MUC4: variants seen among roughly 807,000 people sequenced by gnomAD.
MUC4 encodes mucin 4, cell surface associated.
Under a neutral mutation model 257.9 loss-of-function variants are expected in MUC4, and 202 were observed. The ratio of observed to expected loss-of-function variants is 0.78; its 90% CI spans 0.70 to 0.88. The LOEUF is 0.88. Among genes scored for constraint, MUC4 ranks in the 40% least tolerant of loss-of-function variants. The pLI is 0.00. For missense variants in MUC4, 5,976 were observed against 6,513.7 expected (o/e 0.92, Z 2.84); for synonymous variants, 2,351 against 2,757.1 (o/e 0.85, Z 4.62).
Position 195,774,159 on chromosome 3 carries a change from A to C in MUC4, c.13077+13T>G. ...TGGGAGTTCAGGCTGCGCGGGCCGC[A>C]GCCCGGACTCACGTAGAGGGAATCA... is the stretch of plus-strand genomic sequence containing the variant. On this transcript the variant is annotated intron_variant, in intron 4 of 24. Coordinates refer to ENST00000463781, the MANE Select transcript of MUC4 (RefSeq NM_018406.7). The C allele has an allele frequency of 6.3e-7, 1 of 1,597,112 alleles. No homozygotes were observed. Among genetic ancestry groups the C allele is most frequent in the African/African-American group, 1.4e-5 (1 of 73,564 alleles).
In MUC4 at chr3:195,781,120, G is replaced by C. The variant is rs548219386; in HGVS notation, c.10460C>G (p.Thr3487Ser). Residue 3487 changes from threonine to serine, a missense_variant, in exon 2 of 25, where the codon ACC becomes AGC. Coordinates refer to ENST00000463781, the MANE Select transcript of MUC4 (RefSeq NM_018406.7). Reference protein sequence around the residue: ...SPSSASTGHTTPLHVTIPSSA... With the variant: ...SPSSASTGHTSPLHVTIPSSA... ...GGAAGGGATGGTGACATGAAGAGGG[G>C]TGGTGTGACCTGTAGATGCTGAGGA... The C allele has an allele frequency of 1.4e-5, 21 of 1,480,318 alleles. 1 individual carries two copies. Among genetic ancestry groups the C allele is most frequent in the African/African-American group, 9.8e-5 (6 of 61,358 alleles). 91.7% of individuals were successfully genotyped at this position (1,480,318 alleles called of 1,614,324 possible).
rs1459840580 is a variant in MUC4 at position 195,755,778 on chromosome 3, C to A, written c.15168+1369G>T. ...CCATTGTGTATTTTATGCTTTTCTA[C>A]CCCCTACCCCACCAACCGTCCCTAC... On this transcript the variant is annotated intron_variant, in intron 18 of 24. Coordinates refer to ENST00000463781, the MANE Select transcript of MUC4 (RefSeq NM_018406.7). This position sits in a 1 kb window ranked among gnomAD's most constrained non-coding sequence, Gnocchi z 5.0. Among the ~76,000 whole-genome samples, 1 of 152,080 alleles carries A rather than the reference C, an allele frequency of 6.6e-6. No homozygotes were observed. Among genetic ancestry groups the A allele is most frequent in the Non-Finnish European group, 1.5e-5 (1 of 68,012 alleles).
chr3:195,807,028 T>C (rs1736069683), intron 1 of MUC4, among the ~76,000 whole-genome samples: 1 of 152,158 alleles, frequency 6.6e-6, no homozygotes, highest in African/African-American at 2.4e-5. Context: ...CCTAAACACA[T>C]ACACGGGGAG....
At position 195,790,821 on chromosome 3, in the gene MUC4, G is replaced by C. The variant is rs138465771; in HGVS notation, c.759C>G (p.Val253=). The change falls in exon 2 of 25, where the codon GTC becomes GTG. Residue 253 remains valine, a synonymous_variant. Transcript: ENST00000463781. ...GETATSSLCS[V]TNTSMMTSEK... is the part of the protein sequence containing the mutation. ...CTGATGTCATCATGGATGTGTTTGT[G>C]ACACTACAGAGGGATGAGGTAGCTG... is the stretch of plus-strand genomic sequence containing the variant. The C allele has an allele frequency of 1.9e-5, 31 of 1,613,926 alleles. No homozygotes were observed. The Middle Eastern group carries it at 6.6e-4, about 34-fold the overall frequency.
At chr3:195,767,630 TCACCACCACCATCGCCAC>T (rs1721294107) in intron 7 of MUC4, among the ~76,000 whole-genome samples, 1 of 26,668 alleles carries the variant, frequency 3.7e-5, no homozygotes, top group African/African-American at 1.4e-4. Context: ...ATCACCACCA[TCACCACCACCATCGCCAC>T]CACCACCACC....
chr3:195,790,367 C>G lies in MUC4; in HGVS notation c.1213G>C (p.Gly405Arg). 1 of 1,613,808 alleles carries G rather than the reference C, an allele frequency of 6.2e-7. No individual in the cohort carries two copies. Among genetic ancestry groups the G allele is most frequent in the Non-Finnish European group, 8.5e-7 (1 of 1,179,748 alleles). Residue 405 changes from glycine to arginine, a missense_variant, in exon 2 of 25, where the codon GGA (glycine) becomes CGA (arginine). Physicochemically the swap from Gly to Arg is moderately radical, Grantham distance 125. Coordinates refer to ENST00000463781, the MANE Select transcript of MUC4 (RefSeq NM_018406.7). ...RMPTSRDSTL[G>R]NTEETSLSVS... is the part of the protein sequence containing the mutation. ...GATAGTGATGTCTCCTCTGTGTTTC[C>G]AAGAGTAGAGTCTCTGGAGGTTGGC...
chr3:195,767,588 CCACCACCACCAT>C (rs1341441895), intron 7 of MUC4, among the ~76,000 whole-genome samples: 102 of 109,030 alleles, frequency 9.4e-4, no homozygotes, highest in African/African-American at 1.7e-3. Flanking sequence ...ACCACCATCA[CCACCACCACCAT>C]CATCACCATT....
rs1321116343 is a variant in MUC4, at chr3:195,778,794, T to C, written c.12786A>G (p.Thr4262=). ...GGCGAGGCAGTTGGCAGCTACCTGG[T>C]GTTTCCATCTTCAGAGGGGAGTCCG... is the stretch of plus-strand genomic sequence containing the variant. ...VSSDSPLKME[T]PGMTTPSLKT... Residue 4262 remains threonine, a synonymous_variant, in exon 2 of 25, where the codon ACA becomes ACG. Transcript: ENST00000463781. The C allele has an allele frequency of 6.2e-7, 1 of 1,609,568 alleles. No homozygotes were observed. The highest frequency in any genetic ancestry group is 8.5e-7 in the Non-Finnish European group (1 of 1,177,846).
At chr3:195,796,651 A>G (rs2149056168) in intron 1 of MUC4, among the ~76,000 whole-genome samples, 1 of 152,102 alleles carries the variant, frequency 6.6e-6, no homozygotes, top group East Asian at 2.0e-4. Context: ...AGATCATGCC[A>G]TTGCACTCCA....
In MUC4 at chr3:195,782,157, G is replaced by GTC; in HGVS notation, c.9422_9423insGA (p.Ser3141ArgfsTer1119). On this transcript the variant is annotated frameshift_variant, in exon 2 of 25. Transcript: ENST00000463781. LOFTEE classifies it high-confidence loss of function. Reference sequence around the variant, plus strand: ...TGTCACCTGTGGATGCTGAGGAAGTGCTGGTGACAGGAAGAGCGGTGGCCT... The same window carrying GTC: ...TGTCACCTGTGGATGCTGAGGAAGTGTCCTGGTGACAGGAAGAGCGGTGGCCT... 7.3e-7 allele frequency: 1 copy of GTC among 1,372,112 alleles called. No individual in the cohort carries two copies. The highest frequency in any genetic ancestry group is 2.6e-4 in the Middle Eastern group (1 of 3,840). 85.0% of individuals were successfully genotyped at this position (1,372,112 alleles called of 1,614,324 possible).
chr3:195,760,990 G>A lies in MUC4; in HGVS notation c.14742C>T (p.Asp4914=), dbSNP rs368338961. The change falls in exon 16 of 25, where the codon GAC becomes GAT. Residue 4914 remains aspartate (D), a synonymous_variant. Coordinates refer to ENST00000463781, the MANE Select transcript of MUC4 (RefSeq NM_018406.7). ...SWAEHLISNC[D]GDSSCIYDTL... ...TGTCATAGATGCATGAGCTATCTCC[G>A]TCACAGTTGGAGATCAAATGTTCAG... 1.2e-4 allele frequency: 198 copies of A among 1,613,998 alleles called. No homozygotes were observed. The highest frequency in any genetic ancestry group is 6.2e-4 in the East Asian group (28 of 44,890).
At chr3:195,767,802 T>TCGC (rs1721622312) in intron 7 of MUC4, among the ~76,000 whole-genome samples, 1 of 31,920 alleles carries the variant, frequency 3.1e-5, no homozygotes, top group African/African-American at 1.0e-4. Context: ...GCCACCACCA[T>TCGC]CATCACCACC....
rs538307674 is a variant in MUC4, at chr3:195,797,560, C to A, written c.83-6063G>T. On this transcript the variant is annotated intron_variant, in intron 1 of 24. Coordinates refer to ENST00000463781, the MANE Select transcript of MUC4 (RefSeq NM_018406.7). ...TATACTTAAAACAATAGAAACGTTT[C>A]TGTAAAATCAGGAATAAAAACAAGA... 2.6e-5 allele frequency among the ~76,000 whole-genome samples: 4 copies of A among 152,216 alleles called. No homozygotes were observed. In the East Asian group the frequency reaches 7.7e-4, roughly 29 times the overall value.
intron 1 of MUC4, among the ~76,000 whole-genome samples, chr3:195,798,641 T>C (rs1006357776): frequency 2.6e-5 from 4 of 151,890 alleles, no homozygotes; most frequent in Admixed American, 2.6e-4. Context: ...GAGGCGGAGC[T>C]TGCAGTGAGC....
intron 24 of MUC4, among the ~76,000 whole-genome samples, chr3:195,748,584 T>C (rs1396720533): frequency 6.6e-6 from 1 of 152,394 alleles, no homozygotes; most frequent in East Asian, 1.9e-4. Context: ...ATATAAAAAA[T>C]GTTTGGCTTT....
chr3:195,778,726 CCTT>C, intron 2 of MUC4, 61 bp downstream of exon 2: 1 of 1,493,704 alleles, frequency 6.7e-7, no homozygotes, highest in Non-Finnish European at 9.1e-7. Flanking sequence ...CTCAGGTACT[CCTT>C]AGGCTGAATT....
At position 195,790,675 on chromosome 3, in the gene MUC4, G is replaced by A. The variant is rs762985636; in HGVS notation, c.905C>T (p.Pro302Leu). 2 of 1,613,882 alleles carry A rather than the reference G, an allele frequency of 1.2e-6. No individual in the cohort carries two copies. Among genetic ancestry groups the A allele is most frequent in the South Asian group, 2.2e-5 (2 of 91,060 alleles). Reference sequence around the variant, plus strand: ...GAAAGTTGCTGGTGATTGTCCTTCTGGATCAAATGTTACTAAGGCTGCTGA... The same window carrying A: ...GAAAGTTGCTGGTGATTGTCCTTCTAGATCAAATGTTACTAAGGCTGCTGA... ...VTSAALVTFD[P>L]EGQSPATFSR... is the part of the protein sequence containing the mutation. The change falls in exon 2 of 25, where the codon CCA (proline) becomes CTA (leucine). Residue 302 changes from proline (P) to leucine (L), a missense_variant. Pro to Leu is a moderately conservative substitution (Grantham distance 98). This residue lies in a region of MUC4 where 1,583 missense variants were observed against 1,257.4 expected (regional missense o/e 1.26). Transcript: ENST00000463781.
intron 8 of MUC4, among the ~76,000 whole-genome samples, chr3:195,765,871 C>G (rs1157715236): frequency 6.6e-6 from 1 of 152,098 alleles, no homozygotes; most frequent in African/African-American, 2.4e-5. Context: ...GGTCTTTTTC[C>G]TTTGTTTCTG....
At chr3:195,764,960 G>T in intron 10 of MUC4, 37 bp downstream of exon 10, 1 of 1,605,656 alleles carries the variant, frequency 6.2e-7, no homozygotes, top group Non-Finnish European at 8.5e-7. Flanking sequence ...CCCCTACTTG[G>T]CCGGGAAGGT....
Sources: allele counts gnomAD v4.1 joint callset (sites outside exome capture counted in the v4.1 genomes callset), GRCh38; gene constraint gnomAD v4.1.1; regional missense constraint gnomAD v4.1.1; non-coding constraint Gnocchi (gnomAD v3.1); transcripts MANE v1.5; gene names NCBI Gene and HGNC (gene_info 2026-07-23, HGNC 2026-07-21).